Variants in ZNF765 observed in about 807,000 individuals in gnomAD.
ZNF765 encodes zinc finger protein 765.
Under a neutral mutation model 44.7 loss-of-function variants are expected in ZNF765, and 37 were observed. That is an observed-to-expected ratio of 0.83 (90% CI 0.64 to 1.09). The LOEUF is 1.09. Among genes scored for constraint, ZNF765 ranks in the 50% least tolerant of loss-of-function variants. The probability of loss-of-function intolerance (pLI) is 0.00; values close to 1 mark genes in which losing one functional copy is unlikely to be tolerated. For synonymous variants in ZNF765, 201 were observed against 213.7 expected, an observed-to-expected ratio of 0.94 and a Z score of 0.52; for missense variants, 594 against 626.1, an observed-to-expected ratio of 0.95 and a Z score of 0.55.
At position 53,409,551 on chromosome 19, in the gene ZNF765, T is replaced by TTA; in HGVS notation, c.*424_*425insTA. The TTA allele has an allele frequency of 8.8e-7, 1 of 1,133,968 alleles. No homozygotes were observed. 70.2% of individuals were successfully genotyped at this position (1,133,968 alleles called of 1,614,324 possible). A position where few individuals can be genotyped will look rare whatever the true frequency, so the allele number is the denominator to read the frequency against. On this transcript the variant is annotated 3_prime_UTR_variant, in exon 4 of 4. Coordinates refer to ENST00000396408, the MANE Select transcript of ZNF765 (RefSeq NM_001040185.3). ...AGAAACCTTACAAATGTGAAGAATT[T>TTA]GAGTTTTCCATTTCAAATCAAACCT...
At chr19:53,401,518 G>A (rs1437674095) in intron 2 of ZNF765, among the ~76,000 whole-genome samples, 19 of 151,190 alleles carry the variant, frequency 1.3e-4, no homozygotes, top group African/African-American at 3.6e-4. Flanking sequence ...AGCCGAGATC[G>A]CGCCACTGTA....
intron 3 of ZNF765, among the ~76,000 whole-genome samples, chr19:53,405,903 CTATA>C (rs10675178): frequency 0.012 from 580 of 48,842 alleles, 3 homozygotes; most frequent in Non-Finnish European, 0.02. Context: ...TTAATACCAA[CTATA>C]TATATATATA....
At position 53,409,307 on chromosome 19, in the gene ZNF765, G is replaced by C; in HGVS notation, c.*180G>C. 1 of 914,262 alleles carries C rather than the reference G, an allele frequency of 1.1e-6. No individual in the cohort carries two copies. The highest frequency in any genetic ancestry group is 1.3e-5 in the South Asian group (1 of 75,394). 56.6% of individuals were successfully genotyped at this position (914,262 alleles called of 1,614,324 possible). ...CTTACAAGTGTAATGAGTGTGGCAA[G>C]ACCTTGAGTCATACGTCATCTTTTG... On this transcript the variant is annotated 3_prime_UTR_variant, in exon 4 of 4. Transcript: ENST00000396408.
rs943065509 is a variant in ZNF765, at chr19:53,411,112, T to G, written c.*1985T>G. On this transcript the variant is annotated 3_prime_UTR_variant, in exon 4 of 4. Coordinates refer to ENST00000396408, the MANE Select transcript of ZNF765 (RefSeq NM_001040185.3). ...CATTGAGTTGAAGCCTTAATTGACA[T>G]TAAAGTGTTTATGTTAAGAGGACTG... 6 of 237,400 alleles carry G rather than the reference T, an allele frequency of 2.5e-5. No homozygotes were observed. The highest frequency in any genetic ancestry group is 1.2e-4 in the African/African-American group (5 of 43,220). 14.7% of individuals were successfully genotyped at this position (237,400 alleles called of 1,614,324 possible).
exon 4 of ZNF765, chr19:53,424,518 G>A (rs1246651991): frequency 6.6e-6 from 1 of 152,054 alleles, no homozygotes. Flanking sequence ...TAGTTTTGGT[G>A]ATGCTGAGAC....
rs575727701 is a variant in ZNF765, at chr19:53,409,087, G to A, written c.1532G>A (p.Arg511Lys). ...TTCAGTTTCAAATCAAACCTTGAAAGACATAGGAGAATTTATACTGGAGAG... is the reference window on the plus strand; with the variant it reads ...TTCAGTTTCAAATCAAACCTTGAAAAACATAGGAGAATTTATACTGGAGAG... The part of the protein sequence containing the change: ...EAFSFKSNLE[R>K]HRRIYTGEKL... Residue 511 changes from arginine (R) to lysine (K), a missense_variant, in exon 4 of 4, where the codon AGA becomes AAA. Transcript: ENST00000396408. 50 of 1,613,812 alleles carry A rather than the reference G, an allele frequency of 3.1e-5. No homozygotes were observed. The South Asian group carries it at 5.1e-4, about 16-fold the overall frequency.
intron 1 of ZNF765, 56 bp from the exon 2 acceptor site, chr19:53,397,887 T>C: frequency 6.9e-7 from 1 of 1,451,666 alleles, no homozygotes; most frequent in South Asian, 1.2e-5. Context: ...GTTGTTGTGT[T>C]ACAGGGAGGG....
At chr19:53,414,005 C>T (rs1332062987), downstream of ZNF765, among the ~76,000 whole-genome samples, 1 of 145,252 alleles carries the variant, frequency 6.9e-6, no homozygotes, top group African/African-American at 2.5e-5. Flanking sequence ...CGTTGGGAGG[C>T]TGAGGCGGGC....
intron 3 of ZNF765, among the ~76,000 whole-genome samples, chr19:53,421,795 T>G (rs576782925): frequency 6.6e-6 from 1 of 152,312 alleles, no homozygotes; most frequent in South Asian, 2.1e-4. Flanking sequence ...ATTACAGGCA[T>G]GAGCCACCAC....
chr19:53,426,491 C>T (rs1189707548), exon 4 of ZNF765: 1 of 152,034 alleles, frequency 6.6e-6, no homozygotes, highest in Non-Finnish European at 1.5e-5. Flanking sequence ...TTTCCAAAGT[C>T]AAGCTGCACT....
At chr19:53,416,229 C>A (rs1268603893), downstream of ZNF765, among the ~76,000 whole-genome samples, 1 of 152,142 alleles carries the variant, frequency 6.6e-6, no homozygotes, top group Non-Finnish European at 1.5e-5. Context: ...GCTGGCATTA[C>A]ACACAGTTTT....
chr19:53,405,729 A>G (rs746483076), intron 3 of ZNF765, among the ~76,000 whole-genome samples: 3 of 150,944 alleles, frequency 2.0e-5, no homozygotes, highest in Non-Finnish European at 4.4e-5. Flanking sequence ...AACTCTGAAC[A>G]TGGCTTTTGG....
At chr19:53,413,125 A>AG, downstream of ZNF765, 1 of 458,720 alleles carries the variant, frequency 2.2e-6, no homozygotes, top group Non-Finnish European at 4.1e-6. Flanking sequence ...AGAAAAAAAA[A>AG]AAGATGTCAA....
In ZNF765 at chr19:53,403,572, A is replaced by G. The variant is rs556933726; in HGVS notation, c.142+1381A>G. 1.1e-4 allele frequency among the ~76,000 whole-genome samples: 16 copies of G among 152,150 alleles called. No homozygotes were observed. The East Asian group carries it at 2.9e-3, about 28-fold the overall frequency. ...CAGGCTCAAACAATTTTTGTGCCCC[A>G]GTGGCTCACGCCTGTAATCCCAGCA... On this transcript the variant is annotated intron_variant, in intron 3 of 3. Coordinates refer to ENST00000396408, the MANE Select transcript of ZNF765 (RefSeq NM_001040185.3).
Position 53,409,452 on chromosome 19 carries a change from C to T in ZNF765, c.*325C>T, listed in dbSNP as rs1054257373. 8 of 868,080 alleles carry T rather than the reference C, an allele frequency of 9.2e-6. No homozygotes were observed. The African/African-American group carries it at 1.2e-4, about 13-fold the overall frequency. 53.8% of individuals were successfully genotyped at this position (868,080 alleles called of 1,614,324 possible). A position where few individuals can be genotyped will look rare whatever the true frequency, so the allele number is the denominator to read the frequency against. On this transcript the variant is annotated 3_prime_UTR_variant, in exon 4 of 4. Transcript: ENST00000396408. ...GAATTCACACTGGTGAGAAACCTTA[C>T]AGGTGTAATGAGTGTGGCAAGACCT...
Position 53,409,933 on chromosome 19 carries a change from C to G in ZNF765, c.*806C>G. On this transcript the variant is annotated 3_prime_UTR_variant, in exon 4 of 4. Coordinates refer to ENST00000396408, the MANE Select transcript of ZNF765 (RefSeq NM_001040185.3). Reference sequence around the variant, plus strand: ...CATTTTACAAATGTAATGATTGTCACCAAGTCTTGAGTAATGCTACAACTA... The same window carrying G: ...CATTTTACAAATGTAATGATTGTCAGCAAGTCTTGAGTAATGCTACAACTA... 1.7e-6 allele frequency: 1 copy of G among 601,110 alleles called. No homozygotes were observed. Among genetic ancestry groups the G allele is most frequent in the Non-Finnish European group, 3.2e-6 (1 of 308,310 alleles). The allele number at this position is 601,110 out of a possible 1,614,324, so 37.2% of individuals were successfully genotyped here. A position where few individuals can be genotyped will look rare whatever the true frequency, so the allele number is the denominator to read the frequency against.
downstream of ZNF765, among the ~76,000 whole-genome samples, chr19:53,414,140 G>C (rs1450972250): frequency 6.7e-6 from 1 of 148,286 alleles, no homozygotes; most frequent in East Asian, 2.0e-4. Flanking sequence ...ACTCGGGAGG[G>C]TGAGGCAGGA....
intron 1 of ZNF765, among the ~76,000 whole-genome samples, chr19:53,395,418 C>G (rs1262140465): frequency 6.6e-6 from 1 of 152,182 alleles, no homozygotes; most frequent in Non-Finnish European, 1.5e-5. Context: ...GCAATGTATA[C>G]ACTTTCTATC....
chr19:53,421,368 C>T lies in ZNF765; in HGVS notation c.143-1694C>T, dbSNP rs554947213. ...CGCAGGACCTCCTTATGCTGAGTGC[C>T]GGTCCCCTGGGCCCACTGTTCTTTT... On this transcript the variant is annotated intron_variant, in intron 3 of 3. Transcript: ENST00000594030. 5.9e-5 allele frequency among the ~76,000 whole-genome samples: 9 copies of T among 152,248 alleles called. No individual in the cohort carries two copies. The South Asian group carries it at 6.2e-4, about 11-fold the overall frequency.
Sources: allele counts gnomAD v4.1 joint callset (sites outside exome capture counted in the v4.1 genomes callset), GRCh38; gene constraint gnomAD v4.1.1; transcripts MANE v1.5; gene names NCBI Gene and HGNC (gene_info 2026-07-23, HGNC 2026-07-21).